SGCZ: variants seen among roughly 807,000 people sequenced by gnomAD.
SGCZ encodes sarcoglycan zeta.
A neutral mutation model predicts 41.3 loss-of-function variants in SGCZ; 40 were observed. That is an observed-to-expected ratio of 0.97 (90% CI 0.75 to 1.26). The LOEUF (loss-of-function observed/expected upper bound fraction) is 1.26. SGCZ is among the 50% of genes most tolerant of loss of function. SGCZ has a pLI of 0.00. For synonymous variants in SGCZ, 206 were observed against 137.5 expected (o/e 1.50, Z -3.49); for missense variants, 552 against 369.8 (o/e 1.49, Z -4.04).
At chr8:15,049,918 T>C (rs551216221) in intron 1 of SGCZ, among the ~76,000 whole-genome samples, 1 of 152,258 alleles carries the variant, frequency 6.6e-6, no homozygotes, top group African/African-American at 2.4e-5. Context: ...CTTTCTGCCA[T>C]GATTGTGAGT....
chr8:15,067,004 T>C (rs557398410), intron 1 of SGCZ, among the ~76,000 whole-genome samples: 40 of 152,290 alleles, frequency 2.6e-4, no homozygotes, highest in Admixed American at 4.6e-4. Context: ...AATAAAACCT[T>C]CTTAGATATT....
At chr8:14,247,687 G>C (rs754310895) in intron 3 of SGCZ, among the ~76,000 whole-genome samples, 28 of 152,094 alleles carry the variant, frequency 1.8e-4, no homozygotes, top group Non-Finnish European at 3.4e-4. Context: ...TTCTATGTTG[G>C]GTTGCCACTT....
chr8:14,291,358 C>A (rs965532201), intron 3 of SGCZ, among the ~76,000 whole-genome samples: 1 of 151,876 alleles, frequency 6.6e-6, no homozygotes, highest in African/African-American at 2.4e-5. Flanking sequence ...TGCTAATTAC[C>A]TTGACTTCAT....
At chr8:15,169,175 G>A (rs184195450) in intron 1 of SGCZ, among the ~76,000 whole-genome samples, 12 of 152,204 alleles carry the variant, frequency 7.9e-5, no homozygotes, top group Admixed American at 7.2e-4. Context: ...CCAAAACAGC[G>A]CCCCCTGTCA....
intron 1 of SGCZ, among the ~76,000 whole-genome samples, chr8:14,675,679 G>C (rs1808254626): frequency 6.6e-6 from 1 of 152,132 alleles, no homozygotes; most frequent in African/African-American, 2.4e-5. Flanking sequence ...GAGAGGGACA[G>C]AAACACAACT....
chr8:14,680,983 A>G (rs1808428035), intron 1 of SGCZ, among the ~76,000 whole-genome samples: 1 of 148,750 alleles, frequency 6.7e-6, no homozygotes, highest in African/African-American at 2.4e-5. Flanking sequence ...AAAAAAAAAC[A>G]GAAAATCGGT....
intron 3 of SGCZ, among the ~76,000 whole-genome samples, chr8:14,299,616 C>G (rs1801121760): frequency 6.6e-6 from 1 of 151,808 alleles, no homozygotes; most frequent in Non-Finnish European, 1.5e-5. Flanking sequence ...ACAAAGAAAT[C>G]CCACACACAC....
chr8:14,090,709 A>C, intron 7 of SGCZ, 72 bp from the exon 8 acceptor site: 1 of 1,305,430 alleles, frequency 7.7e-7, no homozygotes, highest in Non-Finnish European at 1.1e-6. Context: ...ATCCCTCCTC[A>C]ACATGGTCTA....
At chr8:14,117,812 C>G (rs763281009) in intron 5 of SGCZ, among the ~76,000 whole-genome samples, 7 of 151,270 alleles carry the variant, frequency 4.6e-5, no homozygotes, top group Non-Finnish European at 7.4e-5. Context: ...TCAATTCCCA[C>G]TTATGAGTGA....
intron 2 of SGCZ, among the ~76,000 whole-genome samples, chr8:14,452,604 T>C (rs1459600166): frequency 1.3e-5 from 2 of 152,032 alleles, no homozygotes; most frequent in Non-Finnish European, 2.9e-5. Flanking sequence ...AAGATTTTAT[T>C]TTGGGTGGTT....
intron 2 of SGCZ, among the ~76,000 whole-genome samples, chr8:14,381,217 A>G (rs1017203661): frequency 6.6e-6 from 1 of 152,250 alleles, no homozygotes; most frequent in South Asian, 2.1e-4. Flanking sequence ...GTTTTTGGCC[A>G]GAGGCCATTA....
At chr8:14,595,788 C>T (rs1161782852) in intron 1 of SGCZ, among the ~76,000 whole-genome samples, 1 of 152,104 alleles carries the variant, frequency 6.6e-6, no homozygotes, top group Non-Finnish European at 1.5e-5. Flanking sequence ...ACGGGTGCTG[C>T]CTTATTGAGT....
At chr8:15,101,460 C>T (rs1344473853) in intron 1 of SGCZ, among the ~76,000 whole-genome samples, 2 of 152,118 alleles carry the variant, frequency 1.3e-5, no homozygotes. Flanking sequence ...AAAGAAGACA[C>T]AGATGGCAAA....
chr8:14,652,498 G>C (rs1163791175), intron 1 of SGCZ, among the ~76,000 whole-genome samples: 3 of 151,990 alleles, frequency 2.0e-5, no homozygotes, highest in Non-Finnish European at 2.9e-5. Flanking sequence ...ATCTAGAGCT[G>C]TGGGAGCAAT....
chr8:14,424,921 T>C (rs1799736314), intron 2 of SGCZ, among the ~76,000 whole-genome samples: 1 of 152,194 alleles, frequency 6.6e-6, no homozygotes, highest in Admixed American at 6.5e-5. Context: ...GTTTAGCCTC[T>C]CATACTAAGT....
At chr8:14,103,472 GTTTTGT>G (rs1284704828) in intron 6 of SGCZ, among the ~76,000 whole-genome samples, 4 of 152,104 alleles carry the variant, frequency 2.6e-5, no homozygotes, top group Admixed American at 6.6e-5. Context: ...AGCACAACTG[GTTTTGT>G]TTTTGTTTTC....
At chr8:14,112,414 T>G (rs1802404365) in intron 5 of SGCZ, among the ~76,000 whole-genome samples, 1 of 152,050 alleles carries the variant, frequency 6.6e-6, no homozygotes, top group Admixed American at 6.6e-5. Flanking sequence ...CTCCCAGCCC[T>G]ATGGCACTTG....
chr8:15,017,451 C>A (rs1803080714), intron 1 of SGCZ, among the ~76,000 whole-genome samples: 1 of 152,120 alleles, frequency 6.6e-6, no homozygotes, highest in African/African-American at 2.4e-5. Flanking sequence ...ACCTATTTTT[C>A]TAGTTGTTAG....
intron 2 of SGCZ, among the ~76,000 whole-genome samples, chr8:14,345,063 G>A (rs995561745): frequency 5.9e-5 from 9 of 151,964 alleles, no homozygotes; most frequent in African/African-American, 2.2e-4. Context: ...TTCATATTCT[G>A]TAGAGAATTC....
Sources: gnomAD v4.1 joint callset for allele counts (sites outside exome capture counted in the v4.1 genomes callset) on GRCh38, gnomAD v4.1.1 for gene constraint, MANE v1.5 for transcripts, NCBI Gene and HGNC (gene_info 2026-07-23, HGNC 2026-07-21) for gene names.